Variants in IGF2R observed in about 807,000 individuals in gnomAD.
The protein encoded by IGF2R is insulin like growth factor 2 receptor.
A neutral mutation model predicts 270.6 loss-of-function variants in IGF2R; 91 were observed. The observed-to-expected ratio is 0.34, with a 90% CI of 0.28 to 0.40. The LOEUF (loss-of-function observed/expected upper bound fraction) is 0.40, where lower values mean the gene tolerates loss of function less well. Among genes scored for constraint, IGF2R ranks in the 10% least tolerant of loss-of-function variants. The pLI is 1.00. For synonymous variants in IGF2R, 1,316 were observed against 1,258.9 expected (o/e 1.05, Z -0.96); for missense variants, 2,805 against 3,188.3 (o/e 0.88, Z 2.90).
intron 10 of IGF2R, among the ~76,000 whole-genome samples, chr6:160,036,412 G>A (rs1032749141): frequency 2.0e-5 from 3 of 152,132 alleles, no homozygotes; most frequent in African/African-American, 7.2e-5. Flanking sequence ...CCCCTCTGAT[G>A]CCTGACCTTG....
chr6:159,970,293 TG>T (rs1783590767), intron 1 of IGF2R, among the ~76,000 whole-genome samples: 1 of 152,214 alleles, frequency 6.6e-6, no homozygotes, highest in African/African-American at 2.4e-5. Context: ...TTTTAAACTT[TG>T]GTAAAAAGGA....
At chr6:159,984,069 G>C (rs1415950186) in intron 1 of IGF2R, among the ~76,000 whole-genome samples, 3 of 152,282 alleles carry the variant, frequency 2.0e-5, no homozygotes, top group South Asian at 4.1e-4. Flanking sequence ...GATGTGATGT[G>C]GTCTGAATCT....
chr6:159,971,375 A>G (rs1333054011), intron 1 of IGF2R, among the ~76,000 whole-genome samples: 1 of 152,234 alleles, frequency 6.6e-6, no homozygotes, highest in African/African-American at 2.4e-5. Context: ...ACACGTGGGC[A>G]TACTTAGCAA....
intron 11 of IGF2R, among the ~76,000 whole-genome samples, chr6:160,042,070 A>G (rs1181580911): frequency 6.6e-6 from 1 of 152,020 alleles, no homozygotes; most frequent in Non-Finnish European, 1.5e-5. Flanking sequence ...TACATTTTTC[A>G]ATCTACAGAC....
chr6:160,061,625 C>T lies in IGF2R; in HGVS notation c.3385C>T (p.Pro1129Ser). 6.2e-7 allele frequency: 1 copy of T among 1,614,172 alleles called. No homozygotes were observed. The highest frequency in any genetic ancestry group is 8.5e-7 in the Non-Finnish European group (1 of 1,180,020). ...CTATTTGAGCGTTTGCAATCCTCTC[C>T]CTTACATTCCTGGATGCCAGGGTGA... ...TFYLSVCNPL[P>S]YIPGCQGSAV... The change falls in exon 24 of 48, where the codon CCT (proline) becomes TCT (serine). Residue 1129 changes from proline to serine, a missense_variant. Physicochemically the swap from Pro to Ser is moderately conservative, Grantham distance 74. Around this residue, in one of 2 missense-constraint regions of IGF2R, gnomAD observed 1,851 missense variants for 2,207.2 expected, o/e 0.84. Coordinates refer to ENST00000356956, the MANE Select transcript of IGF2R (RefSeq NM_000876.4).
chr6:160,077,327 G>T (rs373857958), intron 36 of IGF2R, among the ~76,000 whole-genome samples: 1 of 152,114 alleles, frequency 6.6e-6, no homozygotes, highest in Admixed American at 6.6e-5. Flanking sequence ...TTTGCCTTGC[G>T]GGGGGCTTCT....
rs922376237 is a variant in IGF2R, at chr6:160,044,368, G to A, written c.1622-146G>A. On this transcript the variant is annotated intron_variant, in intron 12 of 47. Coordinates refer to ENST00000356956, the MANE Select transcript of IGF2R (RefSeq NM_000876.4). Reference sequence around the variant, plus strand: ...CCATCCGCTGCCTTGGTGGGTTCAGGGGGCTGGAGAAGGGCTGCACGTGCT... The same window carrying A: ...CCATCCGCTGCCTTGGTGGGTTCAGAGGGCTGGAGAAGGGCTGCACGTGCT... The A allele has an allele frequency of 1.9e-5, 14 of 746,186 alleles. No homozygotes were observed. In the African/African-American group the frequency reaches 2.5e-4, roughly 13 times the overall value. 46.2% of individuals were successfully genotyped at this position (746,186 alleles called of 1,614,324 possible). A position where few individuals can be genotyped will look rare whatever the true frequency, so the allele number is the denominator to read the frequency against.
chr6:160,034,994 G>A (rs1777784223), intron 10 of IGF2R, among the ~76,000 whole-genome samples: 1 of 152,190 alleles, frequency 6.6e-6, no homozygotes, highest in African/African-American at 2.4e-5. Context: ...GTGCATTGAA[G>A]CTGAAGGCGT....
At position 160,050,379 on chromosome 6, in the gene IGF2R, T is replaced by G. The variant is rs941526994; in HGVS notation, c.2515-94T>G. ...AGTGGTTCTGTATTCAATAATTCATTGTTTGCTGCAGCTTTATAGAATGTA... is the reference window on the plus strand; with the variant it reads ...AGTGGTTCTGTATTCAATAATTCATGGTTTGCTGCAGCTTTATAGAATGTA... On this transcript the variant is annotated intron_variant, in intron 18 of 47. Transcript: ENST00000356956. This position sits in a 1 kb window ranked among gnomAD's most constrained non-coding sequence, Gnocchi z 4.0. 1.7e-5 allele frequency: 21 copies of G among 1,231,218 alleles called. No individual in the cohort carries two copies. The Admixed American group carries it at 4.5e-4, about 26-fold the overall frequency. The allele number at this position is 1,231,218 out of a possible 1,614,324, so 76.3% of individuals were successfully genotyped here. A position where few individuals can be genotyped will look rare whatever the true frequency, so the allele number is the denominator to read the frequency against.
chr6:160,051,971 AG>A (rs1778207550), intron 19 of IGF2R, among the ~76,000 whole-genome samples: 1 of 150,246 alleles, frequency 6.7e-6, no homozygotes, highest in East Asian at 1.9e-4. Flanking sequence ...AAAAATTGGG[AG>A]GCAGAGGTAG....
At chr6:159,974,840 G>C (rs1467736327) in intron 1 of IGF2R, among the ~76,000 whole-genome samples, 1 of 152,136 alleles carries the variant, frequency 6.6e-6, no homozygotes, top group African/African-American at 2.4e-5. Flanking sequence ...ATTTTCTCCT[G>C]TCTCTGCCTC....
At position 160,050,511 on chromosome 6, in the gene IGF2R, A is replaced by G; in HGVS notation, c.2553A>G (p.Gly851=). 2 of 1,613,584 alleles carry G rather than the reference A, an allele frequency of 1.2e-6. No homozygotes were observed. Among genetic ancestry groups the G allele is most frequent in the Non-Finnish European group, 1.7e-6 (2 of 1,179,560 alleles). The stretch of plus-strand genomic sequence containing the variant: ...AAGTGGTTTCCATCAGTAACTTGGG[A>G]ATGGCAAAGACCGGCCCGGTGGTTG... ...FTEVVSISNL[G]MAKTGPVVED... The change falls in exon 19 of 48, where the codon GGA becomes GGG. Residue 851 remains glycine, a synonymous_variant. Coordinates refer to ENST00000356956, the MANE Select transcript of IGF2R (RefSeq NM_000876.4). This position sits in a 1 kb window ranked among gnomAD's most constrained non-coding sequence, Gnocchi z 4.0.
chr6:160,063,725 C>T (rs189156292), intron 27 of IGF2R, 95 bp downstream of exon 27: 255 of 813,910 alleles, frequency 3.1e-4, no homozygotes, highest in Middle Eastern at 2.5e-3. Context: ...GAGTCAGAAA[C>T]ATGAGTGTTC....
intron 32 of IGF2R, among the ~76,000 whole-genome samples, 161 bp downstream of exon 32, chr6:160,072,197 G>A (rs536982851): frequency 6.6e-6 from 1 of 152,282 alleles, no homozygotes; most frequent in South Asian, 2.1e-4. Flanking sequence ...TCTCTGGATG[G>A]GCTGCTGTGT....
intron 29 of IGF2R, among the ~76,000 whole-genome samples, chr6:160,066,258 G>A (rs569305657): frequency 6.6e-5 from 10 of 151,724 alleles, no homozygotes; most frequent in Middle Eastern, 3.4e-3. Flanking sequence ...CTCGTGATTC[G>A]CCCGCCTTGG....
chr6:160,098,678 G>A (rs768642429), intron 45 of IGF2R, among the ~76,000 whole-genome samples: 2 of 152,140 alleles, frequency 1.3e-5, no homozygotes, highest in Middle Eastern at 3.2e-3. Context: ...AATTAGCCAG[G>A]TGTGGTGGTG....
chr6:159,969,494 A>G lies in IGF2R; in HGVS notation c.149+99A>G, dbSNP rs1212938930. Reference sequence around the variant, plus strand: ...GCTCGAGGAGCTCCTGGGGTCTCCAAGTCGCCTCCGTTCCGCGCCGGGGTC... The same window carrying G: ...GCTCGAGGAGCTCCTGGGGTCTCCAGGTCGCCTCCGTTCCGCGCCGGGGTC... On this transcript the variant is annotated intron_variant, in intron 1 of 47. Coordinates refer to ENST00000356956, the MANE Select transcript of IGF2R (RefSeq NM_000876.4). 7.6e-6 allele frequency: 7 copies of G among 919,638 alleles called. No individual in the cohort carries two copies. In the South Asian group the frequency reaches 1.6e-4, roughly 21 times the overall value. The allele number at this position is 919,638 out of a possible 1,614,324, so 57.0% of individuals were successfully genotyped here.
At chr6:160,070,394 G>A (rs1778692264) in intron 31 of IGF2R, among the ~76,000 whole-genome samples, 1 of 152,186 alleles carries the variant, frequency 6.6e-6, no homozygotes, top group African/African-American at 2.4e-5. Flanking sequence ...GCACGAGAAG[G>A]TTGGCTGGGC....
At chr6:160,003,691 T>G (rs918150395) in intron 2 of IGF2R, 4 of 152,250 alleles carry the variant, frequency 2.6e-5, no homozygotes, top group African/African-American at 9.6e-5. Flanking sequence ...GTTTAGGTAC[T>G]GGAATTGAAT....
Sources: allele counts gnomAD v4.1 joint callset (sites outside exome capture counted in the v4.1 genomes callset), GRCh38; gene constraint gnomAD v4.1.1; regional missense constraint gnomAD v4.1.1; non-coding constraint Gnocchi (gnomAD v3.1); transcripts MANE v1.5; gene names NCBI Gene and HGNC (gene_info 2026-07-23, HGNC 2026-07-21).